IMPG1: variants seen among roughly 807,000 people sequenced by gnomAD.
IMPG1 encodes the protein interphotoreceptor matrix proteoglycan of 150 kDa.
In IMPG1, 85 loss-of-function variants were observed where a neutral mutation model predicts 92.0. That is an observed-to-expected ratio of 0.92 (90% CI 0.78 to 1.11). The LOEUF (loss-of-function observed/expected upper bound fraction) is 1.11, where lower values mean the gene tolerates loss of function less well. IMPG1 is among the 50% of genes least tolerant of loss of function. The pLI is 0.00. For synonymous variants in IMPG1, 367 were observed against 334.1 expected (o/e 1.10, Z -1.08); for missense variants, 1,022 against 956.0 (o/e 1.07, Z -0.91).
At chr6:76,033,095 C>T (rs373304502) in intron 4 of IMPG1, among the ~76,000 whole-genome samples, 3 of 152,068 alleles carry the variant, frequency 2.0e-5, no homozygotes, top group Admixed American at 1.3e-4. Flanking sequence ...CAGTGGGGTG[C>T]TAAAAATATC....
rs186964189 is a variant in IMPG1 at position 76,045,295 on chromosome 6, G to A, written c.68-3169C>T. On this transcript the variant is annotated intron_variant, in intron 1 of 16. Coordinates refer to ENST00000369950, the MANE Select transcript of IMPG1 (RefSeq NM_001563.4). ...CTCCACTTAACAAATTCCTTCCTTTGGGTTGAAAATTACTTTCTGATAACT... is the reference window on the plus strand; with the variant it reads ...CTCCACTTAACAAATTCCTTCCTTTAGGTTGAAAATTACTTTCTGATAACT... 1.4e-4 allele frequency among the ~76,000 whole-genome samples: 22 copies of A among 152,110 alleles called. No individual in the cohort carries two copies. The East Asian group carries it at 3.9e-3, about 27-fold the overall frequency.
intron 8 of IMPG1, among the ~76,000 whole-genome samples, chr6:76,010,913 C>T (rs575970880): frequency 8.3e-4 from 127 of 152,184 alleles, no homozygotes; most frequent in Non-Finnish European, 1.7e-3. Flanking sequence ...AGCAGATGAG[C>T]TCTCTATAGA....
intron 13 of IMPG1, among the ~76,000 whole-genome samples, chr6:75,949,542 G>A (rs1231838632): frequency 2.0e-5 from 3 of 152,188 alleles, no homozygotes; most frequent in Non-Finnish European, 2.9e-5. Flanking sequence ...CTATGGAGTA[G>A]CCATTCTTTT....
At chr6:75,977,673 G>A (rs1582081105) in intron 12 of IMPG1, among the ~76,000 whole-genome samples, 1 of 151,518 alleles carries the variant, frequency 6.6e-6, no homozygotes, top group Admixed American at 6.6e-5. Context: ...TAAAGAACTC[G>A]AGGTGGACTA....
At position 76,011,177 on chromosome 6, in the gene IMPG1, C is replaced by T; in HGVS notation, c.855G>A (p.Val285=). 1 of 1,531,202 alleles carries T rather than the reference C, an allele frequency of 6.5e-7. No homozygotes were observed. Among genetic ancestry groups the T allele is most frequent in the Non-Finnish European group, 9.0e-7 (1 of 1,106,370 alleles). 94.9% of individuals were successfully genotyped at this position (1,531,202 alleles called of 1,614,324 possible). A position where few individuals can be genotyped will look rare whatever the true frequency, so the allele number is the denominator to read the frequency against. ...KKLPGFKKIH[V]LGFRPKKEKD... Reference sequence around the variant, plus strand: ...ATTCTCTTACTTACCTAAATCCTAACACATGGATTTTTTTGAATCCTGGAA... The same window carrying T: ...ATTCTCTTACTTACCTAAATCCTAATACATGGATTTTTTTGAATCCTGGAA... The change falls in exon 8 of 17, where the codon GTG becomes GTA. Residue 285 remains valine, a synonymous_variant. Transcript: ENST00000369950.
rs1281620793 is a variant in IMPG1, at chr6:75,977,602, C to CA, written c.1291+25315dup. Among the ~76,000 whole-genome samples, 129 of 141,362 alleles carry CA rather than the reference C, an allele frequency of 9.1e-4. 1 individual carries two copies. Among genetic ancestry groups the CA allele is most frequent in the Middle Eastern group, 3.6e-3 (1 of 276 alleles). 92.7% of individuals were successfully genotyped at this position (141,362 alleles called of 152,430 possible). On this transcript the variant is annotated intron_variant, in intron 12 of 16. Transcript: ENST00000369950. ...AACTCTGCCTCAAAAAAAAAAAAAA[C>CA]AAAAAAAAACCCCCAAAAAACAAGC...
At chr6:76,028,603 G>T (rs1783595696) in intron 4 of IMPG1, among the ~76,000 whole-genome samples, 1 of 152,210 alleles carries the variant, frequency 6.6e-6, no homozygotes, top group African/African-American at 2.4e-5. Flanking sequence ...GCCGAGGCGG[G>T]TGGATCACAA....
intron 12 of IMPG1, among the ~76,000 whole-genome samples, chr6:75,983,542 G>A (rs1382091011): frequency 6.6e-6 from 1 of 152,104 alleles, no homozygotes; most frequent in African/African-American, 2.4e-5. Context: ...AATGAAATTA[G>A]ACCCTCATCT....
In IMPG1 at chr6:75,922,153, C is replaced by T. The variant is rs1781440902; in HGVS notation, c.2330G>A (p.Arg777Lys). Reference protein sequence around the residue: ...NQQNNKVISKRNSELLTVEYE... With the variant: ...NQQNNKVISKKNSELLTVEYE... ...TTCTACGGTCAGTAATTCAGAATTTCTTTTACTGATTACCTGAAAGAGAAA... is the reference window on the plus strand; with the variant it reads ...TTCTACGGTCAGTAATTCAGAATTTTTTTTACTGATTACCTGAAAGAGAAA... The change falls in exon 17 of 17, where the codon AGA becomes AAA. Residue 777 changes from arginine (R) to lysine (K), a missense_variant. Coordinates refer to ENST00000369950, the MANE Select transcript of IMPG1 (RefSeq NM_001563.4). 5 of 1,347,474 alleles carry T rather than the reference C, an allele frequency of 3.7e-6. No individual in the cohort carries two copies. The African/African-American group carries it at 5.7e-5, about 15-fold the overall frequency. 83.5% of individuals were successfully genotyped at this position (1,347,474 alleles called of 1,614,324 possible).
chr6:76,064,252 G>A (rs1028383634), intron 1 of IMPG1, among the ~76,000 whole-genome samples: 2 of 152,102 alleles, frequency 1.3e-5, no homozygotes, highest in Non-Finnish European at 2.9e-5. Flanking sequence ...GGAAAGGTAA[G>A]GTGTCTCCCC....
intron 7 of IMPG1, among the ~76,000 whole-genome samples, chr6:76,013,953 A>T (rs1783236466): frequency 6.6e-6 from 1 of 152,212 alleles, no homozygotes; most frequent in Admixed American, 6.5e-5. Flanking sequence ...TGACAATATT[A>T]AAAGCAGTTT....
chr6:76,050,563 G>A (rs1784023576), intron 1 of IMPG1, among the ~76,000 whole-genome samples: 1 of 152,206 alleles, frequency 6.6e-6, no homozygotes, highest in East Asian at 1.9e-4. Context: ...CCACAATGTT[G>A]ACTGGCATCC....
intron 12 of IMPG1, among the ~76,000 whole-genome samples, chr6:75,991,619 C>T (rs1350274126): frequency 6.6e-6 from 1 of 152,164 alleles, no homozygotes; most frequent in African/African-American, 2.4e-5. Flanking sequence ...CCCTTCTGAA[C>T]AACCTTCTCT....
At chr6:76,060,830 C>T (rs1562388236) in intron 1 of IMPG1, among the ~76,000 whole-genome samples, 1 of 152,212 alleles carries the variant, frequency 6.6e-6, no homozygotes, top group South Asian at 2.1e-4. Context: ...GAGTGTGATA[C>T]TTTATAATAT....
At chr6:75,959,313 G>T (rs990393713) in intron 12 of IMPG1, among the ~76,000 whole-genome samples, 1 of 152,108 alleles carries the variant, frequency 6.6e-6, no homozygotes, top group African/African-American at 2.4e-5. Flanking sequence ...GACCCCTGCT[G>T]GGAGGTGTCT....
intron 3 of IMPG1, 49 bp downstream of exon 3, chr6:76,034,572 G>A (rs762952614): frequency 8.8e-6 from 14 of 1,590,026 alleles, no homozygotes; most frequent in Non-Finnish European, 1.1e-5. Flanking sequence ...CTGGAGCCTG[G>A]GAACTGTTCG....
In IMPG1 at chr6:76,018,728, G is replaced by T. The variant is rs768761881; in HGVS notation, c.797C>A (p.Ser266Tyr). The T allele has an allele frequency of 6.2e-7, 1 of 1,613,270 alleles. No individual in the cohort carries two copies. The highest frequency in any genetic ancestry group is 1.3e-5 in the African/African-American group (1 of 74,982). ...GCCGGGTCTACTCACCTGAAGTTGGGACTTTCCTGCTAGCTCCTGGTAATA... is the reference window on the plus strand; with the variant it reads ...GCCGGGTCTACTCACCTGAAGTTGGTACTTTCCTGCTAGCTCCTGGTAATA... ...SPYYQELAGK[S>Y]QLQMQKIFKK... Residue 266 changes from serine to tyrosine, a missense_variant, in exon 7 of 17, where the codon TCC becomes TAC. Physicochemically the swap from Ser to Tyr is moderately radical, Grantham distance 144. Transcript: ENST00000369950.
At chr6:75,979,522 C>T (rs1438299901) in intron 12 of IMPG1, among the ~76,000 whole-genome samples, 1 of 152,172 alleles carries the variant, frequency 6.6e-6, no homozygotes, top group African/African-American at 2.4e-5. Flanking sequence ...AATAATGGAT[C>T]TCAAAACCAC....
chr6:75,955,565 T>A (rs1782105265), intron 12 of IMPG1, among the ~76,000 whole-genome samples: 1 of 152,216 alleles, frequency 6.6e-6, no homozygotes, highest in African/African-American at 2.4e-5. Context: ...TTCGACTTCC[T>A]CTCTTCCTAT....
Sources: gnomAD v4.1 joint callset for allele counts (sites outside exome capture counted in the v4.1 genomes callset) on GRCh38, gnomAD v4.1.1 for gene constraint, MANE v1.5 for transcripts, NCBI Gene and HGNC (gene_info 2026-07-23, HGNC 2026-07-21) for gene names.